The following GPR137B variants were observed in gnomAD, a reference collection of about 807,000 sequenced individuals.
The protein encoded by GPR137B is G protein-coupled receptor 137B, also known as integral membrane protein GPR137B.
Under a neutral mutation model 42.5 loss-of-function variants are expected in GPR137B, and 42 were observed. That is an observed-to-expected ratio of 0.99 (90% CI 0.77 to 1.28). The LOEUF (loss-of-function observed/expected upper bound fraction) is 1.28. Among genes scored for constraint, GPR137B ranks in the 50% most tolerant of loss-of-function variants. GPR137B has a pLI of 0.00. For synonymous variants in GPR137B, 218 were observed against 209.7 expected (o/e 1.04, Z -0.34); for missense variants, 487 against 493.9 (o/e 0.99, Z 0.13).
chr1:236,170,752 G>A (rs902748313), intron 2 of GPR137B, among the ~76,000 whole-genome samples: 1 of 152,110 alleles, frequency 6.6e-6, no homozygotes, highest in African/African-American at 2.4e-5. Context: ...GAAGCAGGTA[G>A]GTCATTTGAG....
intron 5 of GPR137B, among the ~76,000 whole-genome samples, chr1:236,198,903 G>A (rs541697866): frequency 1.3e-5 from 2 of 152,264 alleles, no homozygotes; most frequent in South Asian, 4.1e-4. Flanking sequence ...GCTGTTGTCT[G>A]ATTGCTCTGG....
intron 1 of GPR137B, among the ~76,000 whole-genome samples, chr1:236,151,418 A>T (rs7523897): frequency 0.054 from 3,912 of 72,320 alleles, 377 homozygotes; most frequent in East Asian, 0.4. Flanking sequence ...TTGCATATTC[A>T]TTTTTTTTTT....
chr1:236,178,785 G>GTTTTTTTTTGTTTTTTTTTTTTTTT lies in GPR137B; in HGVS notation c.687+158_687+159insGTTTTTTTTTTTTTTTTTTTTTTTT, dbSNP rs759983803. The GTTTTTTTTTGTTTTTTTTTTTTTTT allele has an allele frequency of 4.0e-4, 20 of 49,524 alleles. 2 individuals are homozygous for GTTTTTTTTTGTTTTTTTTTTTTTTT. The highest frequency in any genetic ancestry group is 8.4e-4 in the Non-Finnish European group (19 of 22,552). The allele number at this position is 49,524 out of a possible 1,614,324, so 3.1% of individuals were successfully genotyped here. On this transcript the variant is annotated intron_variant, in intron 3 of 6. Transcript: ENST00000366592. The stretch of plus-strand genomic sequence containing the variant: ...GTCTCCCACACAGGGGCTACTCGAG[G>GTTTTTTTTTGTTTTTTTTTTTTTTT]TTTTTTTTTTTTTTTTTTTTTTTTT...
intron 2 of GPR137B, among the ~76,000 whole-genome samples, chr1:236,170,272 G>A (rs985158955): frequency 6.6e-6 from 1 of 151,972 alleles, no homozygotes; most frequent in Non-Finnish European, 1.5e-5. Flanking sequence ...ATGTTAAATC[G>A]TATACATATT....
At chr1:236,149,929 C>T (rs114058214) in intron 1 of GPR137B, among the ~76,000 whole-genome samples, 5,320 of 151,304 alleles carry the variant, frequency 0.035, 299 homozygotes, top group African/African-American at 0.12. Context: ...TGGCTGCGTG[C>T]ACCTGTGTGT....
At chr1:236,204,610 G>A (rs758349971) in intron 5 of GPR137B, among the ~76,000 whole-genome samples, 5 of 152,000 alleles carry the variant, frequency 3.3e-5, no homozygotes, top group African/African-American at 4.8e-5. Context: ...AAAGTCTTTA[G>A]AAAACCTTAA....
chr1:236,177,704 T>C (rs1299037341), intron 2 of GPR137B, among the ~76,000 whole-genome samples: 3 of 151,950 alleles, frequency 2.0e-5, no homozygotes, highest in Non-Finnish European at 4.4e-5. Context: ...TACAAGTGCG[T>C]GCCACCACAC....
At chr1:236,168,424 G>GA (rs199657686) in intron 1 of GPR137B, among the ~76,000 whole-genome samples, 1,772 of 85,424 alleles carry the variant, frequency 0.021, 20 homozygotes, top group East Asian at 0.08. Context: ...ATTCTGTCTC[G>GA]AAAAAAAAAA....
At chr1:236,143,235 A>C (rs7512803) in intron 1 of GPR137B, among the ~76,000 whole-genome samples, 199 bp downstream of exon 1, 66,874 of 152,128 alleles carry the variant, frequency 0.44, 15,520 homozygotes, top group South Asian at 0.58. Flanking sequence ...TGCCATTCCC[A>C]AAAGGGGCAA....
At chr1:236,201,565 A>C (rs1465823045) in intron 5 of GPR137B, among the ~76,000 whole-genome samples, 3 of 151,988 alleles carry the variant, frequency 2.0e-5, no homozygotes, top group Non-Finnish European at 4.4e-5. Context: ...TTGAAACTTT[A>C]CAGTGAATTT....
intron 4 of GPR137B, among the ~76,000 whole-genome samples, chr1:236,181,088 A>G (rs926978057): frequency 6.6e-6 from 1 of 152,166 alleles, no homozygotes; most frequent in Non-Finnish European, 1.5e-5. Context: ...ATTTTTTTTA[A>G]TGGAGCACGT....
intron 4 of GPR137B, among the ~76,000 whole-genome samples, chr1:236,182,143 G>A (rs984232576): frequency 1.3e-5 from 2 of 151,876 alleles, no homozygotes; most frequent in East Asian, 1.9e-4. Flanking sequence ...CGCCCACCTC[G>A]GCCTCCCAAA....
At chr1:236,177,906 A>G (rs373498648) in intron 2 of GPR137B, among the ~76,000 whole-genome samples, 19 of 152,064 alleles carry the variant, frequency 1.2e-4, no homozygotes, top group Non-Finnish European at 2.2e-4. Flanking sequence ...CTCCACATCA[A>G]TAATGACTTT....
chr1:236,170,530 T>A (rs1662503501), intron 2 of GPR137B, among the ~76,000 whole-genome samples: 1 of 152,124 alleles, frequency 6.6e-6, no homozygotes, highest in Non-Finnish European at 1.5e-5. Flanking sequence ...TCAGTTCACG[T>A]CTCTACCAGG....
intron 1 of GPR137B, among the ~76,000 whole-genome samples, chr1:236,143,427 C>T (rs1184270633): frequency 6.6e-6 from 1 of 152,276 alleles, no homozygotes; most frequent in African/African-American, 2.4e-5. Flanking sequence ...TGCCCTGCCT[C>T]CCCAGGCACC....
At chr1:236,143,109 G>A (rs564384373) in intron 1 of GPR137B, 73 bp downstream of exon 1, 7 of 1,340,892 alleles carry the variant, frequency 5.2e-6, no homozygotes, top group Admixed American at 2.1e-5. Flanking sequence ...AGGCAGGGGC[G>A]ATGGCAGCCG....
At chr1:236,182,949 T>C (rs1397751213) in intron 4 of GPR137B, among the ~76,000 whole-genome samples, 1 of 152,130 alleles carries the variant, frequency 6.6e-6, no homozygotes, top group Non-Finnish European at 1.5e-5. Context: ...AGATGTGATA[T>C]AGAGGAAGTA....
At chr1:236,185,715 C>T (rs1307385953) in intron 5 of GPR137B, among the ~76,000 whole-genome samples, 1 of 152,128 alleles carries the variant, frequency 6.6e-6, no homozygotes, top group Admixed American at 6.5e-5. Context: ...GCCGTGTTGC[C>T]CAGGCTGGTC....
chr1:236,173,187 A>G (rs1190659177), intron 2 of GPR137B, among the ~76,000 whole-genome samples: 1 of 151,302 alleles, frequency 6.6e-6, no homozygotes, highest in Non-Finnish European at 1.5e-5. Context: ...GCTACTTGGA[A>G]TGCTGAGGTG....
Sources: allele counts gnomAD v4.1 joint callset (sites outside exome capture counted in the v4.1 genomes callset), GRCh38; gene constraint gnomAD v4.1.1; transcripts MANE v1.5; gene names NCBI Gene and HGNC (gene_info 2026-07-23, HGNC 2026-07-21).